Variants in NCAM1 observed in about 807,000 individuals in gnomAD.
NCAM1 encodes neural cell adhesion molecule 1, also known as antigen recognized by monoclonal antibody 5.1H11.
In NCAM1, 14 loss-of-function variants were observed where a neutral mutation model predicts 109.8. The observed-to-expected ratio is 0.13, with a 90% confidence interval of 0.08 to 0.20. The LOEUF (loss-of-function observed/expected upper bound fraction) is 0.20, where lower values mean the gene tolerates loss of function less well. Ranked by LOEUF, NCAM1 falls within the 10% of genes least tolerant of loss-of-function variation. The pLI is 1.00. For missense variants in NCAM1, 774 were observed against 1,109.9 expected (o/e 0.70, Z 4.30); for synonymous variants, 418 against 442.9 (o/e 0.94, Z 0.70).
chr11:113,104,213 G>GC (rs1420203535), intron 1 of NCAM1, among the ~76,000 whole-genome samples: 18 of 127,448 alleles, frequency 1.4e-4, no homozygotes, highest in Non-Finnish European at 3.3e-5. Context: ...GGGGTGGGGG[G>GC]GGGGGCGGGG....
rs1329797573 is a variant in NCAM1, at chr11:112,962,162, A to G, written c.52+498A>G. On this transcript the variant is annotated intron_variant, in intron 1 of 19. Coordinates refer to ENST00000316851, the MANE Select transcript of NCAM1 (RefSeq NM_181351.5). The surrounding 1 kb of genome is among the most constrained non-coding windows in gnomAD (Gnocchi z 5.6). ...ATCGTTATATTCCTGGGTCTAATAA[A>G]GTCAGGATCGCTGCTTTGCTTCCCC... is the stretch of plus-strand genomic sequence containing the variant. Among the ~76,000 whole-genome samples the G allele has an allele frequency of 6.6e-6, 1 of 152,164 alleles. No homozygotes were observed. Among genetic ancestry groups the G allele is most frequent in the African/African-American group, 2.4e-5 (1 of 41,452 alleles).
intron 1 of NCAM1, among the ~76,000 whole-genome samples, chr11:113,091,219 A>G (rs1431338224): frequency 6.6e-6 from 1 of 152,186 alleles, no homozygotes; most frequent in African/African-American, 2.4e-5. Flanking sequence ...GCCCTAGATC[A>G]AGCATCTGGT....
In NCAM1 at chr11:113,070,113, G is replaced by A. The variant is rs117947879; in HGVS notation, c.52+108449G>A. Among the ~76,000 whole-genome samples the A allele has an allele frequency of 7.7e-3, 1,168 of 152,262 alleles. 5 individuals are homozygous for A. The highest frequency in any genetic ancestry group is 0.013 in the Non-Finnish European group (855 of 68,026). On this transcript the variant is annotated intron_variant, in intron 1 of 19. Transcript: ENST00000316851. Reference sequence around the variant, plus strand: ...AGGCTGAATTGGAGTGAGCCAATGAGAAGGTCATAGCTAGGATAAGCCTAG... The same window carrying A: ...AGGCTGAATTGGAGTGAGCCAATGAAAAGGTCATAGCTAGGATAAGCCTAG...
chr11:113,036,710 A>G (rs1426729606), intron 1 of NCAM1, among the ~76,000 whole-genome samples: 2 of 151,880 alleles, frequency 1.3e-5, no homozygotes, highest in Non-Finnish European at 2.9e-5. Flanking sequence ...AATTCTCACT[A>G]TCCTTGCAAA....
At position 112,961,566 on chromosome 11, in the gene NCAM1, A is replaced by T; in HGVS notation, c.-47A>T. ...CCACACTCGCTGCAGGGGGGGGGGC[A>T]CAGAATTTACCGCGGCAAGAACATC... On this transcript the variant is annotated 5_prime_UTR_variant, in exon 1 of 20. Coordinates refer to ENST00000316851, the MANE Select transcript of NCAM1 (RefSeq NM_181351.5). The T allele has an allele frequency of 8.8e-7, 1 of 1,134,788 alleles. No individual in the cohort carries two copies. Among genetic ancestry groups the T allele is most frequent in the Non-Finnish European group, 1.3e-6 (1 of 748,080 alleles). 70.3% of individuals were successfully genotyped at this position (1,134,788 alleles called of 1,614,324 possible).
intron 1 of NCAM1, among the ~76,000 whole-genome samples, chr11:113,199,829 T>TGGAAAAAAAAAAAAAAAAA (rs60389510): frequency 1.7e-5 from 2 of 115,766 alleles, no homozygotes; most frequent in African/African-American, 6.8e-5. Flanking sequence ...GAAACACCCT[T>TGGAAAAAAAAAAAAAAAAA]AAAAAAAAAA....
chr11:113,198,516 T>G (rs1192996037), intron 1 of NCAM1, among the ~76,000 whole-genome samples: 1 of 151,938 alleles, frequency 6.6e-6, no homozygotes, highest in East Asian at 1.9e-4. Context: ...GGACTACAGG[T>G]GTGTGCCACC....
At chr11:113,008,971 T>C (rs1188783458) in intron 1 of NCAM1, among the ~76,000 whole-genome samples, 4 of 152,304 alleles carry the variant, frequency 2.6e-5, no homozygotes, top group African/African-American at 9.6e-5. Context: ...AACTGTCCTG[T>C]GTTTTTCTGA....
intron 1 of NCAM1, among the ~76,000 whole-genome samples, chr11:113,063,369 T>G (rs1937772592): frequency 6.6e-6 from 1 of 152,236 alleles, no homozygotes; most frequent in South Asian, 2.1e-4. Flanking sequence ...TCTCTGCCAC[T>G]GCCTAGCCTG....
chr11:113,120,134 T>C (rs1565447763), intron 1 of NCAM1, among the ~76,000 whole-genome samples: 1 of 152,222 alleles, frequency 6.6e-6, no homozygotes, highest in Non-Finnish European at 1.5e-5. Context: ...GAAAATTTAC[T>C]GGTTTATGAA....
intron 2 of NCAM1, among the ~76,000 whole-genome samples, chr11:113,203,427 T>A (rs1258262343): frequency 6.6e-6 from 1 of 152,214 alleles, no homozygotes; most frequent in Non-Finnish European, 1.5e-5. Flanking sequence ...ATACTAAGCA[T>A]CTGTGCAGGG....
At chr11:113,037,527 C>T (rs1164573374) in intron 1 of NCAM1, among the ~76,000 whole-genome samples, 4 of 152,168 alleles carry the variant, frequency 2.6e-5, no homozygotes, top group African/African-American at 9.7e-5. Flanking sequence ...CCGTCTCCAT[C>T]ATCACTGGAC....
At position 113,270,323 on chromosome 11, in the gene NCAM1, C is replaced by T. The variant is rs375931522; in HGVS notation, c.2267C>T (p.Ala756Val). 3.0e-5 allele frequency: 48 copies of T among 1,613,886 alleles called. No individual in the cohort carries two copies. The African/African-American group carries it at 3.2e-4, about 11-fold the overall frequency. Residue 756 changes from alanine (A) to valine (V), a missense_variant, in exon 18 of 20, where the codon GCG (alanine) becomes GTG (valine). This residue lies in a region of NCAM1 where 523 missense variants were observed against 784.2 expected (regional missense o/e 0.67). Transcript: ENST00000316851. Reference sequence around the variant, plus strand: ...AAGTGTGGCCTGTTCATGTGCATTGCGGTCAACCTGTGTGGAAAAGCCGGG... The same window carrying T: ...AAGTGTGGCCTGTTCATGTGCATTGTGGTCAACCTGTGTGGAAAAGCCGGG... ...LNKCGLFMCI[A>V]VNLCGKAGPG...
chr11:113,097,427 T>G (rs1939650578), intron 1 of NCAM1, among the ~76,000 whole-genome samples: 1 of 152,162 alleles, frequency 6.6e-6, no homozygotes, highest in Admixed American at 6.5e-5. Context: ...GTAAGTTTGT[T>G]GAGTTCAACT....
At chr11:113,018,684 GCC>G (rs1952285474) in intron 1 of NCAM1, among the ~76,000 whole-genome samples, 1 of 152,030 alleles carries the variant, frequency 6.6e-6, no homozygotes, top group Non-Finnish European at 1.5e-5. Flanking sequence ...ATAGATAATG[GCC>G]CCAGATTCAA....
At position 113,202,460 on chromosome 11, in the gene NCAM1, G is replaced by A. The variant is rs1555112049; in HGVS notation, c.127+7G>A. ...AAATTCTTCTTATGCCAAGGCAAGT[G>A]CCTAGTGCTCAGCTGCATTTTAGAA... On this transcript the variant is annotated splice_region_variant and intron_variant, in intron 2 of 19. Transcript: ENST00000316851. The A allele has an allele frequency of 1.9e-6, 3 of 1,605,784 alleles. No individual in the cohort carries two copies. Among genetic ancestry groups the A allele is most frequent in the South Asian group, 2.3e-5 (2 of 88,428 alleles).
chr11:113,037,223 C>A (rs893897146), intron 1 of NCAM1, among the ~76,000 whole-genome samples: 1 of 152,122 alleles, frequency 6.6e-6, no homozygotes, highest in Admixed American at 6.6e-5. Context: ...TTAGAGAGGA[C>A]GTTATTATCA....
chr11:113,034,423 C>G (rs1296650047), intron 1 of NCAM1, among the ~76,000 whole-genome samples: 1 of 152,148 alleles, frequency 6.6e-6, no homozygotes, highest in African/African-American at 2.4e-5. Context: ...ATGACTCTTT[C>G]CCTTTATTAA....
chr11:113,119,887 A>ATTTTTTTT (rs1940885042), intron 1 of NCAM1, among the ~76,000 whole-genome samples: 1 of 152,156 alleles, frequency 6.6e-6, no homozygotes, highest in East Asian at 1.9e-4. Flanking sequence ...CTGGGGTTAC[A>ATTTTTTTT]TTTACCAGGG....
Sources: gnomAD v4.1 joint callset for allele counts (sites outside exome capture counted in the v4.1 genomes callset) on GRCh38, gnomAD v4.1.1 for gene constraint, gnomAD v4.1.1 regional missense constraint, Gnocchi (gnomAD v3.1) non-coding constraint, MANE v1.5 for transcripts, NCBI Gene and HGNC (gene_info 2026-07-23, HGNC 2026-07-21) for gene names.